Variants in DIS3L2 observed in about 807,000 individuals in gnomAD.
DIS3L2 encodes DIS3 like 3'-5' exoribonuclease 2.
A neutral mutation model predicts 97.5 loss-of-function variants in DIS3L2; 34 were observed. That is an observed-to-expected ratio of 0.35 (90% CI 0.27 to 0.46). The LOEUF is 0.46. DIS3L2 is among the 20% of genes least tolerant of loss of function. The pLI is 1.00. For missense variants in DIS3L2, 1,038 were observed against 1,146.0 expected, an observed-to-expected ratio of 0.91 and a Z score of 1.36; for synonymous variants, 435 against 445.2, an observed-to-expected ratio of 0.98 and a Z score of 0.29.
chr2:232,110,890 T>TAAAAAAA (rs879405561), intron 6 of DIS3L2, among the ~76,000 whole-genome samples: 1 of 142,540 alleles, frequency 7.0e-6, no homozygotes. Context: ...AGTTGGAAAT[T>TAAAAAAA]AAAAAAAAAA....
At chr2:232,267,553 C>G (rs1259663230) in intron 13 of DIS3L2, among the ~76,000 whole-genome samples, 1 of 152,108 alleles carries the variant, frequency 6.6e-6, no homozygotes, top group East Asian at 1.9e-4. Flanking sequence ...TAACATATGT[C>G]TCTCATTTCT....
intron 11 of DIS3L2, among the ~76,000 whole-genome samples, chr2:232,244,371 T>G (rs1046001662): frequency 6.6e-5 from 10 of 152,182 alleles, no homozygotes; most frequent in African/African-American, 2.4e-4. Context: ...GGTCGTTTGC[T>G]TCCTTGCTTA....
chr2:232,336,711 G>C lies in DIS3L2; in HGVS notation c.*81G>C. On this transcript the variant is annotated 3_prime_UTR_variant, in exon 21 of 21. Coordinates refer to ENST00000325385, the MANE Select transcript of DIS3L2 (RefSeq NM_152383.5). ...TTAGGACCTGTTGACACGGAGGGGGGTTTTTAATTTGGTTTTTAACAACTC... is the reference window on the plus strand; with the variant it reads ...TTAGGACCTGTTGACACGGAGGGGGCTTTTTAATTTGGTTTTTAACAACTC... 6.6e-7 allele frequency: 1 copy of C among 1,515,004 alleles called. No individual in the cohort carries two copies. The highest frequency in any genetic ancestry group is 8.7e-7 in the Non-Finnish European group (1 of 1,143,024). The allele number at this position is 1,515,004 out of a possible 1,614,324, so 93.8% of individuals were successfully genotyped here.
At chr2:232,240,415 G>A (rs1390559797) in intron 11 of DIS3L2, among the ~76,000 whole-genome samples, 1 of 152,220 alleles carries the variant, frequency 6.6e-6, no homozygotes, top group Non-Finnish European at 1.5e-5. Flanking sequence ...GAAATTCTGA[G>A]TCAGAAGCTG....
chr2:232,341,510 T>C (rs1696101307), downstream of DIS3L2, among the ~76,000 whole-genome samples: 1 of 152,202 alleles, frequency 6.6e-6, no homozygotes, highest in African/African-American at 2.4e-5. Context: ...CAGTTTACGA[T>C]CTGGCAATAG....
chr2:231,995,376 A>G (rs1693704262), intron 1 of DIS3L2, among the ~76,000 whole-genome samples: 1 of 152,258 alleles, frequency 6.6e-6, no homozygotes, highest in Non-Finnish European at 1.5e-5. Flanking sequence ...TGTGAATACA[A>G]TCCTGGGTTC....
intron 5 of DIS3L2, among the ~76,000 whole-genome samples, chr2:232,036,576 G>A (rs935722876): frequency 3.3e-5 from 5 of 152,316 alleles, no homozygotes; most frequent in Admixed American, 2.0e-4. Flanking sequence ...GCAAGGAGTC[G>A]TGATCCTTTG....
rs1466493648 is a variant in DIS3L2, at chr2:232,070,973, G to A, written c.367-16514G>A. Among the ~76,000 whole-genome samples the A allele has an allele frequency of 2.0e-5, 3 of 152,116 alleles. No individual in the cohort carries two copies. The East Asian group carries it at 5.8e-4, about 29-fold the overall frequency. On this transcript the variant is annotated intron_variant, in intron 5 of 20. Coordinates refer to ENST00000325385, the MANE Select transcript of DIS3L2 (RefSeq NM_152383.5). ...CACTTCTAATTCTGATTCAAACATGGGAACAGTGTCCAGAGGCCCTATAGC... is the reference window on the plus strand; with the variant it reads ...CACTTCTAATTCTGATTCAAACATGAGAACAGTGTCCAGAGGCCCTATAGC...
At chr2:232,265,577 G>T (rs533799449) in intron 13 of DIS3L2, among the ~76,000 whole-genome samples, 65 of 152,332 alleles carry the variant, frequency 4.3e-4, no homozygotes, top group African/African-American at 1.4e-3. Flanking sequence ...AACCTGGCTA[G>T]GCCAGTTGTA....
chr2:232,316,630 CTT>C (rs1239130274), intron 14 of DIS3L2, among the ~76,000 whole-genome samples: 1 of 152,186 alleles, frequency 6.6e-6, no homozygotes, highest in East Asian at 1.9e-4. Context: ...AGGAGGCACA[CTT>C]GGGTTCCCGG....
intron 10 of DIS3L2, among the ~76,000 whole-genome samples, chr2:232,238,232 A>G: frequency 6.6e-6 from 1 of 152,248 alleles, no homozygotes; most frequent in East Asian, 1.9e-4. Flanking sequence ...AATGAGCCAT[A>G]TCTTCTTATG....
intron 5 of DIS3L2, among the ~76,000 whole-genome samples, chr2:232,086,653 A>ATG (rs1485559306): frequency 2.0e-5 from 1 of 50,314 alleles, no homozygotes; most frequent in African/African-American, 1.1e-4. Flanking sequence ...ATGTATATAT[A>ATG]TATATATGTG....
At chr2:232,110,525 G>A (rs999159550) in intron 6 of DIS3L2, among the ~76,000 whole-genome samples, 2 of 152,140 alleles carry the variant, frequency 1.3e-5, no homozygotes, top group African/African-American at 4.8e-5. Flanking sequence ...GCATAAAAAG[G>A]AACAAAATGA....
intron 14 of DIS3L2, among the ~76,000 whole-genome samples, chr2:232,311,145 C>T (rs1251363105): frequency 1.3e-5 from 2 of 152,184 alleles, no homozygotes; most frequent in Non-Finnish European, 2.9e-5. Flanking sequence ...AGAACTGACC[C>T]AAACAAGGAA....
At chr2:232,084,362 A>G (rs1696507458) in intron 5 of DIS3L2, among the ~76,000 whole-genome samples, 2 of 152,104 alleles carry the variant, frequency 1.3e-5, no homozygotes, top group African/African-American at 4.8e-5. Flanking sequence ...ATTTTGGAAT[A>G]TTTACATTAT....
chr2:232,049,745 T>C (rs1277578614), intron 5 of DIS3L2, among the ~76,000 whole-genome samples: 4 of 152,216 alleles, frequency 2.6e-5, no homozygotes, highest in Non-Finnish European at 5.9e-5. Context: ...TGTGACCTTG[T>C]TGATATTTTG....
chr2:232,315,412 C>G (rs1355121283), intron 14 of DIS3L2, among the ~76,000 whole-genome samples: 2 of 152,230 alleles, frequency 1.3e-5, no homozygotes, highest in East Asian at 3.8e-4. Context: ...GGGTTTGAGC[C>G]TGAAGAAAGG....
chr2:232,024,227 A>C (rs1163027786), intron 3 of DIS3L2, 50 bp from the exon 4 acceptor site: 1 of 1,396,342 alleles, frequency 7.2e-7, no homozygotes, highest in African/African-American at 1.5e-5. Context: ...ACGTGGAAAA[A>C]TCGTAAATAT....
At chr2:231,985,337 A>C (rs1396665001) in intron 1 of DIS3L2, among the ~76,000 whole-genome samples, 1 of 152,214 alleles carries the variant, frequency 6.6e-6, no homozygotes, top group Non-Finnish European at 1.5e-5. Flanking sequence ...ATAGTATGTA[A>C]CCTTTGAGAT....
Sources: allele counts gnomAD v4.1 joint callset (sites outside exome capture counted in the v4.1 genomes callset), GRCh38; gene constraint gnomAD v4.1.1; transcripts MANE v1.5; gene names NCBI Gene and HGNC (gene_info 2026-07-23, HGNC 2026-07-21).